The following PPP2R1A variants were observed in gnomAD, a reference collection of about 807,000 sequenced individuals.
PPP2R1A encodes the protein protein phosphatase 2 scaffold subunit Aalpha, also known as serine/threonine-protein phosphatase 2A 65 kDa regulatory subunit A alpha isoform.
PPP2R1A carries 15 observed loss-of-function variants against 67.1 expected under a neutral mutation model. That is an observed-to-expected ratio of 0.22 (90% CI 0.15 to 0.34). The LOEUF is 0.34. PPP2R1A is among the 10% of genes least tolerant of loss of function. PPP2R1A has a pLI of 1.00. For missense variants in PPP2R1A, 369 were observed against 775.0 expected, an observed-to-expected ratio of 0.48 and a Z score of 6.22; for synonymous variants, 337 against 325.0, an observed-to-expected ratio of 1.04 and a Z score of -0.40.
Position 52,226,299 on chromosome 19 carries a change from T to C in PPP2R1A, c.*318T>C. ...TGCTGTAATGGGAACCCCTCCCCCA[T>C]TTACTTCTCCACCTCCCGTCCTCCC... is the stretch of plus-strand genomic sequence containing the variant. On this transcript the variant is annotated 3_prime_UTR_variant, in exon 15 of 15. Coordinates refer to ENST00000322088, the MANE Select transcript of PPP2R1A (RefSeq NM_014225.6). 2.3e-6 allele frequency: 1 copy of C among 437,632 alleles called. No homozygotes were observed. The highest frequency in any genetic ancestry group is 4.1e-6 in the Non-Finnish European group (1 of 246,570). 27.1% of individuals were successfully genotyped at this position (437,632 alleles called of 1,614,324 possible).
rs1194259699 is a variant in PPP2R1A at position 52,227,023 on chromosome 19, T to C, written c.*1042T>C. 1 of 152,142 alleles carries C rather than the reference T, an allele frequency of 6.6e-6. No homozygotes were observed. Among genetic ancestry groups the C allele is most frequent in the African/African-American group, 2.4e-5 (1 of 41,404 alleles). 9.4% of individuals were successfully genotyped at this position (152,142 alleles called of 1,614,324 possible). Reference sequence around the variant, plus strand: ...CAGGACGGTACTAGGGAGAGAACTGTGGCAAGATAGATCAGTTATCTCGGT... The same window carrying C: ...CAGGACGGTACTAGGGAGAGAACTGCGGCAAGATAGATCAGTTATCTCGGT... On this transcript the variant is annotated 3_prime_UTR_variant, in exon 15 of 15. Coordinates refer to ENST00000322088, the MANE Select transcript of PPP2R1A (RefSeq NM_014225.6).
Position 52,206,160 on chromosome 19 carries a change from G to A in PPP2R1A, c.270+97G>A, listed in dbSNP as rs1351287082. 2.7e-6 allele frequency: 3 copies of A among 1,093,894 alleles called. No individual in the cohort carries two copies. In the Admixed American group the frequency reaches 6.3e-5, roughly 23 times the overall value. 67.8% of individuals were successfully genotyped at this position (1,093,894 alleles called of 1,614,324 possible). A position where few individuals can be genotyped will look rare whatever the true frequency, so the allele number is the denominator to read the frequency against. On this transcript the variant is annotated intron_variant, in intron 3 of 14. Transcript: ENST00000322088. Reference sequence around the variant, plus strand: ...GGAGGGGAGCGTGTCAGAGAGCGTGGGGATCACGTCAGAACAGCCGGGCCA... The same window carrying A: ...GGAGGGGAGCGTGTCAGAGAGCGTGAGGATCACGTCAGAACAGCCGGGCCA...
chr19:52,212,990 G>C lies in PPP2R1A; in HGVS notation c.687G>C (p.Val229=), dbSNP rs1285802488. ...SVRLLAVEAC[V]NIAQLLPQED... ...GGCTGCTGGCGGTGGAGGCGTGCGTGAACATCGCCCAGCTTCTGCCCCAGG... is the reference window on the plus strand; with the variant it reads ...GGCTGCTGGCGGTGGAGGCGTGCGTCAACATCGCCCAGCTTCTGCCCCAGG... Residue 229 remains valine (V), a synonymous_variant, in exon 6 of 15, where the codon GTG becomes GTC. Transcript: ENST00000322088. This position sits in a 1 kb window ranked among gnomAD's most constrained non-coding sequence, Gnocchi z 4.1. The C allele has an allele frequency of 6.2e-7, 1 of 1,609,660 alleles. No homozygotes were observed. Among genetic ancestry groups the C allele is most frequent in the Admixed American group, 1.7e-5 (1 of 59,612 alleles).
At chr19:52,220,756 G>A (rs1271892602) in intron 11 of PPP2R1A, among the ~76,000 whole-genome samples, 1 of 152,108 alleles carries the variant, frequency 6.6e-6, no homozygotes, top group East Asian at 1.9e-4. Context: ...GTAAAATGAA[G>A]CCAGTAGTGG....
intron 2 of PPP2R1A, among the ~76,000 whole-genome samples, chr19:52,204,760 A>T (rs1222862069): frequency 6.6e-6 from 1 of 152,140 alleles, no homozygotes; most frequent in Non-Finnish European, 1.5e-5. Flanking sequence ...ATTGGCGAGA[A>T]TTTATTTATT....
Position 52,220,969 on chromosome 19 carries a change from C to G in PPP2R1A, c.1364-10C>G. On this transcript the variant is annotated splice_polypyrimidine_tract_variant and intron_variant, in intron 11 of 14. Coordinates refer to ENST00000322088, the MANE Select transcript of PPP2R1A (RefSeq NM_014225.6). ...AAATCCCTGTCTCTCTCACCCTCAC[C>G]CTTCTGCAGTATATGCCATCCGCGA... The G allele has an allele frequency of 1.2e-6, 2 of 1,614,040 alleles. No homozygotes were observed. Among genetic ancestry groups the G allele is most frequent in the Non-Finnish European group, 1.7e-6 (2 of 1,179,896 alleles).
At chr19:52,198,068 T>C (rs1200261226) in intron 1 of PPP2R1A, among the ~76,000 whole-genome samples, 1 of 152,212 alleles carries the variant, frequency 6.6e-6, no homozygotes, top group Non-Finnish European at 1.5e-5. Flanking sequence ...AATCTTCCCC[T>C]GGTGCTAGGG....
chr19:52,225,213 C>T (rs1030984891), intron 13 of PPP2R1A, among the ~76,000 whole-genome samples: 1 of 151,504 alleles, frequency 6.6e-6, no homozygotes, highest in African/African-American at 2.4e-5. Flanking sequence ...GACAGGGTTT[C>T]TCCATGTTGG....
intron 1 of PPP2R1A, among the ~76,000 whole-genome samples, chr19:52,197,600 G>A (rs574002325): frequency 9.2e-5 from 14 of 152,226 alleles, no homozygotes; most frequent in Non-Finnish European, 1.3e-4. Context: ...ACTTGAGCCC[G>A]GGAGGTCAAG....
chr19:52,191,770 T>C (rs1458048783), intron 1 of PPP2R1A, among the ~76,000 whole-genome samples: 2 of 152,182 alleles, frequency 1.3e-5, no homozygotes, highest in African/African-American at 4.8e-5. Context: ...GCTGGGGATA[T>C]AGTGGAGACA....
intron 2 of PPP2R1A, among the ~76,000 whole-genome samples, chr19:52,203,977 C>T (rs2089577229): frequency 6.6e-6 from 1 of 152,192 alleles, no homozygotes; most frequent in Non-Finnish European, 1.5e-5. Flanking sequence ...TCCGTGCCCT[C>T]CCTGAGCCCA....
rs2122267480 is a variant in PPP2R1A at position 52,190,090 on chromosome 19, A to G, written c.-7A>G. On this transcript the variant is annotated 5_prime_UTR_variant, in exon 1 of 15. Transcript: ENST00000322088. ...CCGCAGTCTGACAGGAAAGGGACGG[A>G]GCCAAGATGGCGGCGGCCGACGGCG... 1.3e-6 allele frequency: 2 copies of G among 1,543,822 alleles called. No individual in the cohort carries two copies. The highest frequency in any genetic ancestry group is 8.8e-7 in the Non-Finnish European group (1 of 1,142,840).
intron 3 of PPP2R1A, among the ~76,000 whole-genome samples, chr19:52,207,824 A>G (rs1029133658): frequency 5.3e-5 from 8 of 152,048 alleles, no homozygotes; most frequent in South Asian, 2.1e-4. Flanking sequence ...AGCCACTCCT[A>G]TGTGCTATCC....
rs772009912 is a variant in PPP2R1A, at chr19:52,212,734, C to A, written c.552C>A (p.Ala184=). Residue 184 remains alanine, a synonymous_variant, in exon 5 of 15, where the codon GCC becomes GCA. Coordinates refer to ENST00000322088, the MANE Select transcript of PPP2R1A (RefSeq NM_014225.6). This position sits in a 1 kb window ranked among gnomAD's most constrained non-coding sequence, Gnocchi z 4.1. ...ATGACACCCCCATGGTGCGGCGGGC[C>A]GCAGCCTCCAAGCTGGGGGAGTTTG... ...CSDDTPMVRR[A]AASKLGEFAK... 1 of 1,614,056 alleles carries A rather than the reference C, an allele frequency of 6.2e-7. No homozygotes were observed. The highest frequency in any genetic ancestry group is 8.5e-7 in the Non-Finnish European group (1 of 1,180,034).
chr19:52,216,506 T>C lies in PPP2R1A; in HGVS notation c.994-23T>C. On this transcript the variant is annotated intron_variant, in intron 8 of 14. Coordinates refer to ENST00000322088, the MANE Select transcript of PPP2R1A (RefSeq NM_014225.6). The surrounding 1 kb of genome is among the most constrained non-coding windows in gnomAD (Gnocchi z 4.3). ...GCTGCAGGGGTTGCACTGACCCCTG[T>C]GCCTGCCTCTTCTCTCTCCCAGGAG... 1.9e-6 allele frequency: 3 copies of C among 1,614,078 alleles called. No individual in the cohort carries two copies. The highest frequency in any genetic ancestry group is 2.5e-6 in the Non-Finnish European group (3 of 1,180,016).
chr19:52,190,563 G>A (rs186413726), intron 1 of PPP2R1A, among the ~76,000 whole-genome samples: 63 of 152,364 alleles, frequency 4.1e-4, no homozygotes, highest in African/African-American at 1.4e-3. Context: ...AGTAGGGGAG[G>A]GCCGCCGGGT....
At chr19:52,220,828 C>A in intron 11 of PPP2R1A, 151 bp from the exon 12 acceptor site, 3 of 843,054 alleles carry the variant, frequency 3.6e-6, no homozygotes, top group Non-Finnish European at 5.6e-6. Flanking sequence ...CTAGATATAG[C>A]ACATAGTAAG....
In PPP2R1A at chr19:52,212,220, G is replaced by A. The variant is rs57388778; in HGVS notation, c.504-466G>A. ...CCTGCCTTAGCCTCTCAAATAGCTG[G>A]GACCACAGGTGTGCAACACCACGCT... On this transcript the variant is annotated intron_variant, in intron 4 of 14. Coordinates refer to ENST00000322088, the MANE Select transcript of PPP2R1A (RefSeq NM_014225.6). The surrounding 1 kb of genome is among the most constrained non-coding windows in gnomAD (Gnocchi z 4.1). 3.1e-3 allele frequency among the ~76,000 whole-genome samples: 474 copies of A among 151,930 alleles called. 2 individuals carry two copies. The highest frequency in any genetic ancestry group is 0.011 in the African/African-American group (450 of 41,418).
rs542247380 is a variant in PPP2R1A, at chr19:52,222,244, G to A, written c.1661+3G>A. ...ATAGGGCCCATCCTGGACAACAGGTGAGGTCTGGATACTCCCCCACACACT... is the reference window on the plus strand; with the variant it reads ...ATAGGGCCCATCCTGGACAACAGGTAAGGTCTGGATACTCCCCCACACACT... On this transcript the variant is annotated splice_donor_region_variant and intron_variant, in intron 13 of 14. Transcript: ENST00000322088. The A allele has an allele frequency of 4.3e-6, 7 of 1,613,872 alleles. No homozygotes were observed. The South Asian group carries it at 6.6e-5, about 15-fold the overall frequency.
Sources: allele counts gnomAD v4.1 joint callset (sites outside exome capture counted in the v4.1 genomes callset), GRCh38; gene constraint gnomAD v4.1.1; non-coding constraint Gnocchi (gnomAD v3.1); transcripts MANE v1.5; gene names NCBI Gene and HGNC (gene_info 2026-07-23, HGNC 2026-07-21).